The following RAB3GAP1 variants were observed in gnomAD, a reference collection of about 807,000 sequenced individuals.
RAB3GAP1 encodes RAB3 GTPase activating protein catalytic subunit 1.
Under a neutral mutation model 130.7 loss-of-function variants are expected in RAB3GAP1, and 86 were observed. The ratio of observed to expected loss-of-function variants is 0.66; its 90% CI spans 0.55 to 0.79. The LOEUF (loss-of-function observed/expected upper bound fraction) is 0.79, where lower values mean the gene tolerates loss of function less well. Ranked by LOEUF, RAB3GAP1 falls within the 30% of genes least tolerant of loss-of-function variation. The pLI, the probability that RAB3GAP1 is intolerant of heterozygous loss-of-function variation, is 0.00. For missense variants in RAB3GAP1, 1,029 were observed against 1,169.4 expected (o/e 0.88, Z 1.75); for synonymous variants, 367 against 401.7 (o/e 0.91, Z 1.03).
chr2:135,162,327 G>A (rs575642122), intron 19 of RAB3GAP1: 7 of 515,402 alleles, frequency 1.4e-5, no homozygotes, highest in Non-Finnish European at 2.4e-5. Context: ...TTATTTGTGT[G>A]TATTACATAA....
chr2:135,107,709 T>A (rs1690669172), intron 5 of RAB3GAP1, among the ~76,000 whole-genome samples: 1 of 152,110 alleles, frequency 6.6e-6, no homozygotes, highest in South Asian at 2.1e-4. Context: ...GTGGTATGGC[T>A]GGGTGCGGTG....
At chr2:135,143,135 CTA>C (rs1179800615) in intron 17 of RAB3GAP1, among the ~76,000 whole-genome samples, 1 of 151,784 alleles carries the variant, frequency 6.6e-6, no homozygotes, top group Non-Finnish European at 1.5e-5. Flanking sequence ...AGATAAAAAA[CTA>C]TTCTTATTTT....
chr2:135,105,056 A>G (rs987951095), intron 5 of RAB3GAP1, among the ~76,000 whole-genome samples: 2 of 152,346 alleles, frequency 1.3e-5, no homozygotes, highest in South Asian at 2.1e-4. Flanking sequence ...ACAGAGAAAA[A>G]AGTTTGGAGA....
At position 135,169,679 on chromosome 2, in the gene RAB3GAP1, C is replaced by G. The variant is rs1205729524; in HGVS notation, c.*898C>G. 2 of 454,038 alleles carry G rather than the reference C, an allele frequency of 4.4e-6. No homozygotes were observed. Among genetic ancestry groups the G allele is most frequent in the African/African-American group, 4.0e-5 (2 of 50,082 alleles). 28.1% of individuals were successfully genotyped at this position (454,038 alleles called of 1,614,324 possible). A position where few individuals can be genotyped will look rare whatever the true frequency, so the allele number is the denominator to read the frequency against. ...CAGATAGTATAATTTGGTATATGTG[C>G]TAATGCATTGAGTAGAGGATTATTT... On this transcript the variant is annotated 3_prime_UTR_variant, in exon 24 of 24. Transcript: ENST00000264158.
At chr2:135,165,241 A>T (rs1692603683) in intron 23 of RAB3GAP1, 6 of 439,648 alleles carry the variant, frequency 1.4e-5, no homozygotes, top group Middle Eastern at 5.3e-4. Flanking sequence ...AAAAATTATC[A>T]TAACCATTAC....
intron 8 of RAB3GAP1, among the ~76,000 whole-genome samples, chr2:135,122,392 A>G (rs1046933365): frequency 2.0e-5 from 3 of 151,982 alleles, no homozygotes; most frequent in African/African-American, 4.8e-5. Flanking sequence ...TTCCAAGGCT[A>G]CTCTCTTATA....
At chr2:135,107,266 A>C (rs1690654688) in intron 5 of RAB3GAP1, among the ~76,000 whole-genome samples, 4 of 152,068 alleles carry the variant, frequency 2.6e-5, no homozygotes. Flanking sequence ...AATCCATAGA[A>C]AAGAATGAAG....
chr2:135,053,650 A>C (rs1688938217), intron 2 of RAB3GAP1, among the ~76,000 whole-genome samples: 1 of 152,214 alleles, frequency 6.6e-6, no homozygotes, highest in Non-Finnish European at 1.5e-5. Context: ...GGTACCCTTC[A>C]TAAAAGTGTC....
At position 135,148,702 on chromosome 2, in the gene RAB3GAP1, G is replaced by T. The variant is rs1359504178; in HGVS notation, c.1924-1667G>T. Among the ~76,000 whole-genome samples, 5 of 146,748 alleles carry T rather than the reference G, an allele frequency of 3.4e-5. No individual in the cohort carries two copies. In the East Asian group the frequency reaches 9.8e-4, roughly 29 times the overall value. ...TTTTTTTTTTTTTTAAGTAGAGATG[G>T]GGTTTCGCCATGTTGGCCAGGCTGG... On this transcript the variant is annotated intron_variant, in intron 17 of 23. Coordinates refer to ENST00000264158, the MANE Select transcript of RAB3GAP1 (RefSeq NM_012233.3).
chr2:135,166,555 C>T lies in RAB3GAP1; in HGVS notation c.2709+1859C>T, dbSNP rs543125439. Among the ~76,000 whole-genome samples, 9 of 152,164 alleles carry T rather than the reference C, an allele frequency of 5.9e-5. No individual in the cohort carries two copies. The East Asian group carries it at 9.7e-4, about 16-fold the overall frequency. ...GTAGGGACGGGGTCTCACTTTGTTG[C>T]CCAGGCTTATCTAGAACTCCTGGTT... is the stretch of plus-strand genomic sequence containing the variant. On this transcript the variant is annotated intron_variant, in intron 23 of 23. Coordinates refer to ENST00000264158, the MANE Select transcript of RAB3GAP1 (RefSeq NM_012233.3).
At chr2:135,121,376 T>C (rs933969880) in intron 8 of RAB3GAP1, among the ~76,000 whole-genome samples, 2 of 152,154 alleles carry the variant, frequency 1.3e-5, no homozygotes, top group Non-Finnish European at 2.9e-5. Flanking sequence ...AGGGGAAAAA[T>C]AATAATTAAC....
At chr2:135,114,343 A>G (rs1416732960) in intron 6 of RAB3GAP1, among the ~76,000 whole-genome samples, 1 of 152,246 alleles carries the variant, frequency 6.6e-6, no homozygotes, top group Non-Finnish European at 1.5e-5. Flanking sequence ...TATCGAATAG[A>G]CTATGATACT....
chr2:135,082,792 G>C (rs1438831350), intron 3 of RAB3GAP1, among the ~76,000 whole-genome samples: 1 of 151,826 alleles, frequency 6.6e-6, no homozygotes, highest in East Asian at 1.9e-4. Flanking sequence ...ATGTTTTCCA[G>C]GTTTGTCATA....
At chr2:135,166,746 T>G in intron 23 of RAB3GAP1, among the ~76,000 whole-genome samples, 1 of 152,256 alleles carries the variant, frequency 6.6e-6, no homozygotes. Context: ...ATTTTAAAAG[T>G]AGGGTTATAT....
At chr2:135,115,977 A>G (rs1262617829) in intron 7 of RAB3GAP1, among the ~76,000 whole-genome samples, 1 of 152,136 alleles carries the variant, frequency 6.6e-6, no homozygotes, top group Non-Finnish European at 1.5e-5. Context: ...TGAGGGCTTA[A>G]GTTGAGGAGC....
At chr2:135,137,735 T>C (rs1691713618) in intron 17 of RAB3GAP1, among the ~76,000 whole-genome samples, 1 of 152,206 alleles carries the variant, frequency 6.6e-6, no homozygotes, top group Non-Finnish European at 1.5e-5. Flanking sequence ...AAAAATAGTT[T>C]GAAGTCATAT....
At chr2:135,167,774 A>C in intron 23 of RAB3GAP1, 4 of 1,382,360 alleles carry the variant, frequency 2.9e-6, no homozygotes, top group Non-Finnish European at 3.9e-6. Flanking sequence ...CTAATTTCAT[A>C]AGGTCATTAA....
intron 5 of RAB3GAP1, among the ~76,000 whole-genome samples, chr2:135,112,833 C>G (rs113183113): frequency 8.2e-6 from 1 of 122,106 alleles, no homozygotes; most frequent in Non-Finnish European, 1.6e-5. Context: ...CTCTCTCTCT[C>G]TCACACACAC....
At chr2:135,157,529 T>C (rs1228928748) in intron 19 of RAB3GAP1, among the ~76,000 whole-genome samples, 1 of 152,102 alleles carries the variant, frequency 6.6e-6, no homozygotes, top group Non-Finnish European at 1.5e-5. Context: ...TGGTGGGGGA[T>C]GGGACTGCAA....
Sources: gnomAD v4.1 joint callset for allele counts (sites outside exome capture counted in the v4.1 genomes callset) on GRCh38, gnomAD v4.1.1 for gene constraint, MANE v1.5 for transcripts, NCBI Gene and HGNC (gene_info 2026-07-23, HGNC 2026-07-21) for gene names.